Variants in ELMO1 observed in about 807,000 individuals in gnomAD.
ELMO1 encodes engulfment and cell motility 1, also known as engulfment and cell motility protein 1.
ELMO1 carries 26 observed loss-of-function variants against 98.9 expected under a neutral mutation model. The observed-to-expected ratio is 0.26, with a 90% CI of 0.19 to 0.36. ELMO1 has a LOEUF of 0.36. ELMO1 is among the 10% of genes least tolerant of loss of function. The pLI is 1.00. For missense variants in ELMO1, 627 were observed against 935.2 expected (o/e 0.67, Z 4.30); for synonymous variants, 346 against 346.0 (o/e 1.00, Z 0.00).
At chr7:37,331,149 G>A (rs1427624078) in intron 2 of ELMO1, among the ~76,000 whole-genome samples, 3 of 150,242 alleles carry the variant, frequency 2.0e-5, no homozygotes, top group African/African-American at 4.9e-5. Context: ...CAAACCCACA[G>A]ATAAGGGAAA....
intron 16 of ELMO1, among the ~76,000 whole-genome samples, chr7:36,991,917 C>T (rs1791905244): frequency 6.6e-6 from 1 of 152,170 alleles, no homozygotes; most frequent in African/African-American, 2.4e-5. Flanking sequence ...GTGGGACACT[C>T]AGGATTCAAA....
chr7:37,003,596 A>C (rs1417627061), intron 16 of ELMO1, among the ~76,000 whole-genome samples: 1 of 152,200 alleles, frequency 6.6e-6, no homozygotes, highest in Non-Finnish European at 1.5e-5. Flanking sequence ...TTGACCCATA[A>C]GTCACTGTTG....
intron 1 of ELMO1, among the ~76,000 whole-genome samples, chr7:37,432,781 A>G (rs1804984896): frequency 6.6e-6 from 1 of 152,152 alleles, no homozygotes; most frequent in Admixed American, 6.5e-5. Flanking sequence ...CAAATTCAAC[A>G]CTGGCTGAAC....
intron 16 of ELMO1, among the ~76,000 whole-genome samples, chr7:36,958,723 A>G (rs1280045970): frequency 1.3e-5 from 2 of 152,078 alleles, no homozygotes; most frequent in African/African-American, 2.4e-5. Flanking sequence ...TGTTGTTTGC[A>G]TACTTCTTGC....
At chr7:37,265,056 A>G (rs1376480767) in intron 5 of ELMO1, among the ~76,000 whole-genome samples, 3 of 151,658 alleles carry the variant, frequency 2.0e-5, no homozygotes, top group African/African-American at 7.3e-5. Context: ...CTCTCCTTAA[A>G]CCCCCTCTAT....
chr7:37,418,781 G>A (rs1416656166), intron 1 of ELMO1, among the ~76,000 whole-genome samples: 1 of 152,178 alleles, frequency 6.6e-6, no homozygotes, highest in Non-Finnish European at 1.5e-5. Flanking sequence ...GTATTATAAG[G>A]AGGTGTCAGT....
chr7:36,974,701 C>T (rs547810635), intron 16 of ELMO1, among the ~76,000 whole-genome samples: 1 of 152,290 alleles, frequency 6.6e-6, no homozygotes, highest in Non-Finnish European at 1.5e-5. Flanking sequence ...GCAACCCGCT[C>T]GGGTCCCCTT....
chr7:36,950,963 C>A (rs1787916166), intron 16 of ELMO1, among the ~76,000 whole-genome samples: 1 of 152,198 alleles, frequency 6.6e-6, no homozygotes, highest in Non-Finnish European at 1.5e-5. Flanking sequence ...AAGCCAGACA[C>A]CAGGAAGTCA....
intron 14 of ELMO1, among the ~76,000 whole-genome samples, chr7:37,099,881 G>A (rs1291973272): frequency 1.3e-5 from 2 of 150,452 alleles, no homozygotes; most frequent in East Asian, 3.9e-4. Context: ...TGCCCAGGCT[G>A]GAGTGCAGTG....
At chr7:36,998,961 T>C (rs1391974125) in intron 16 of ELMO1, among the ~76,000 whole-genome samples, 1 of 151,964 alleles carries the variant, frequency 6.6e-6, no homozygotes, top group Non-Finnish European at 1.5e-5. Context: ...GGGAGATTTG[T>C]GTGTGTTTAT....
chr7:36,854,084 A>G lies in ELMO1; in HGVS notation c.*1467T>C, dbSNP rs1313808574. ...GTCAAGAGACAGCAATGTAAAAGGA[A>G]TAGATATTTTCATACAGTGGGTCTG... On this transcript the variant is annotated 3_prime_UTR_variant, in exon 22 of 22. Coordinates refer to ENST00000310758, the MANE Select transcript of ELMO1 (RefSeq NM_014800.11). Among the ~76,000 whole-genome samples the G allele has an allele frequency of 6.8e-6, 1 of 146,706 alleles. No homozygotes were observed. The highest frequency in any genetic ancestry group is 2.6e-5 in the African/African-American group (1 of 38,976).
chr7:37,340,456 A>C lies in ELMO1; in HGVS notation c.78+2157T>G, dbSNP rs146954323. Among the ~76,000 whole-genome samples the C allele has an allele frequency of 8.7e-4, 132 of 152,334 alleles. 1 individual carries two copies. The highest frequency in any genetic ancestry group is 3.1e-3 in the African/African-American group (130 of 41,584). On this transcript the variant is annotated intron_variant, in intron 2 of 21. Transcript: ENST00000310758. ...CATGAAAAACAAGGAAAGACTGAGAAATTGTCCAAAACGGAAGGAGACTGA... is the reference window on the plus strand; with the variant it reads ...CATGAAAAACAAGGAAAGACTGAGACATTGTCCAAAACGGAAGGAGACTGA...
intron 1 of ELMO1, among the ~76,000 whole-genome samples, chr7:37,418,584 G>C (rs1804332226): frequency 6.6e-6 from 1 of 152,196 alleles, no homozygotes; most frequent in Admixed American, 6.5e-5. Context: ...GTAGTGGGAA[G>C]GGACTGTGCT....
chr7:37,083,217 C>T (rs1783574776), intron 15 of ELMO1, among the ~76,000 whole-genome samples: 1 of 152,174 alleles, frequency 6.6e-6, no homozygotes, highest in African/African-American at 2.4e-5. Flanking sequence ...ATCCACTTAG[C>T]CATGATCTGA....
At chr7:36,960,799 A>G (rs576994620) in intron 16 of ELMO1, among the ~76,000 whole-genome samples, 6 of 152,292 alleles carry the variant, frequency 3.9e-5, no homozygotes, top group Non-Finnish European at 8.8e-5. Context: ...ACTTTGATGA[A>G]GATCAGTGTT....
chr7:37,119,715 T>C (rs1003374005), intron 14 of ELMO1, among the ~76,000 whole-genome samples: 2 of 152,274 alleles, frequency 1.3e-5, no homozygotes, highest in South Asian at 4.1e-4. Context: ...ATTTGTCTTC[T>C]GATTTGGCAT....
chr7:37,074,829 T>C (rs1467590379), intron 15 of ELMO1, among the ~76,000 whole-genome samples: 1 of 152,220 alleles, frequency 6.6e-6, no homozygotes, highest in Non-Finnish European at 1.5e-5. Flanking sequence ...TTTTGGTTGT[T>C]AGTTTTCTTT....
chr7:37,419,748 T>C (rs949417403), intron 1 of ELMO1: 1 of 152,246 alleles, frequency 6.6e-6, no homozygotes, highest in African/African-American at 2.4e-5. Context: ...CTGGTCTGTA[T>C]TGTAAATGCA....
intron 21 of ELMO1, 124 bp downstream of exon 21, chr7:36,861,535 C>T (rs1254242835): frequency 1.8e-6 from 2 of 1,101,492 alleles, no homozygotes; most frequent in South Asian, 1.5e-5. Flanking sequence ...TCCAAGTCAG[C>T]AAGATGCCCC....
Sources: allele counts gnomAD v4.1 joint callset (sites outside exome capture counted in the v4.1 genomes callset), GRCh38; gene constraint gnomAD v4.1.1; transcripts MANE v1.5; gene names NCBI Gene and HGNC (gene_info 2026-07-23, HGNC 2026-07-21).